BLTP1: variants seen among roughly 807,000 people sequenced by gnomAD.
The protein encoded by BLTP1 is bridge-like lipid transfer protein family member 1.
At chr4:122,348,822 AAAG>A in the BLTP1 span, 26 of 741,754 alleles carry the variant, frequency 3.5e-5, no homozygotes, top group Non-Finnish European at 4.0e-5. Flanking sequence ...AATATTTGAA[AAAG>A]AAGTAGATAA....
chr4:122,278,883 C>A, the BLTP1 span, among the ~76,000 whole-genome samples: 1 of 152,196 alleles, frequency 6.6e-6, no homozygotes, highest in South Asian at 2.1e-4. Context: ...CTGCTCACCT[C>A]ACTTTCAAAG....
At chr4:122,186,077 T>G in the BLTP1 span, 1 of 1,605,596 alleles carries the variant, frequency 6.2e-7, no homozygotes, top group Non-Finnish European at 8.5e-7. Flanking sequence ...AGTCAATGAC[T>G]TTGAATTTCA....
the BLTP1 span, chr4:122,257,218 C>T: frequency 3.0e-5 from 48 of 1,592,378 alleles, no homozygotes; most frequent in Non-Finnish European, 4.0e-5. Context: ...GATATTATTA[C>T]ATTAGATTAC....
the BLTP1 span, chr4:122,292,244 A>G: frequency 3.1e-5 from 18 of 584,476 alleles, no homozygotes; most frequent in African/African-American, 4.0e-5. Context: ...CTGGGATTAC[A>G]GGCGTGAGCC....
At chr4:122,203,511 A>G in the BLTP1 span, among the ~76,000 whole-genome samples, 1 of 151,844 alleles carries the variant, frequency 6.6e-6, no homozygotes, top group Non-Finnish European at 1.5e-5. Flanking sequence ...TCAGAGTAAC[A>G]TTTAGCTTGC....
the BLTP1 span, among the ~76,000 whole-genome samples, chr4:122,175,546 C>T: frequency 2.2e-3 from 332 of 152,134 alleles, no homozygotes; most frequent in Admixed American, 4.1e-3. Context: ...CTTCATTTTC[C>T]TGTGACCATT....
the BLTP1 span, among the ~76,000 whole-genome samples, chr4:122,233,116 C>T: frequency 6.6e-6 from 1 of 152,194 alleles, no homozygotes; most frequent in African/African-American, 2.4e-5. Flanking sequence ...TGCCAGACCT[C>T]AATCAGAAAC....
At chr4:122,269,438 C>T in the BLTP1 span, 2 of 985,288 alleles carry the variant, frequency 2.0e-6, no homozygotes, top group Non-Finnish European at 2.4e-6. Flanking sequence ...TTTGGTCTAG[C>T]TGAACTTGAC....
At chr4:122,184,634 C>T in the BLTP1 span, 42 of 916,856 alleles carry the variant, frequency 4.6e-5, 1 homozygote, top group Middle Eastern at 2.2e-3. Context: ...AGGGAGACTC[C>T]GTCTCAAAAA....
chr4:122,201,962 A>G, the BLTP1 span: 1 of 650,276 alleles, frequency 1.5e-6, no homozygotes, highest in Non-Finnish European at 1.9e-6. Context: ...ATACTGCTCT[A>G]TAATGTTGTG....
the BLTP1 span, among the ~76,000 whole-genome samples, chr4:122,300,576 G>A: frequency 2.6e-5 from 4 of 151,994 alleles, no homozygotes; most frequent in East Asian, 5.8e-4. Context: ...TTTTATCATA[G>A]TACTAACTAA....
the BLTP1 span, among the ~76,000 whole-genome samples, chr4:122,351,551 T>C: frequency 6.6e-5 from 10 of 152,328 alleles, no homozygotes; most frequent in African/African-American, 2.2e-4. Flanking sequence ...AGGTTAAATA[T>C]GGTTATGTTC....
At chr4:122,220,401 A>C in the BLTP1 span, 1 of 1,612,944 alleles carries the variant, frequency 6.2e-7, no homozygotes, top group South Asian at 1.1e-5. Context: ...AAATGAAAAA[A>C]GGATTTAGGG....
At chr4:122,273,726 G>T in the BLTP1 span, among the ~76,000 whole-genome samples, 2 of 151,978 alleles carry the variant, frequency 1.3e-5, no homozygotes, top group Non-Finnish European at 2.9e-5. Context: ...GATCAGAATT[G>T]TGTGAAAAGA....
At chr4:122,350,117 C>A in the BLTP1 span, 1 of 1,574,806 alleles carries the variant, frequency 6.3e-7, no homozygotes, top group South Asian at 1.2e-5. Flanking sequence ...TTATCTTTCA[C>A]TAAATATGTT....
chr4:122,289,293 G>C, the BLTP1 span: 12 of 872,160 alleles, frequency 1.4e-5, no homozygotes, highest in Admixed American at 2.6e-4. Flanking sequence ...TCCAGCATTT[G>C]GATATAGTTG....
chr4:122,248,321 A>G, the BLTP1 span, among the ~76,000 whole-genome samples: 1 of 152,072 alleles, frequency 6.6e-6, no homozygotes, highest in Non-Finnish European at 1.5e-5. Context: ...GCAGAACCTT[A>G]TATAATTTTG....
the BLTP1 span, chr4:122,185,418 T>TG: frequency 1.0e-6 from 1 of 985,422 alleles, no homozygotes; most frequent in Non-Finnish European, 1.2e-6. Context: ...TGACATGTGA[T>TG]GCATTGTTTT....
the BLTP1 span, chr4:122,293,012 C>T: frequency 8.9e-6 from 8 of 894,160 alleles, no homozygotes; most frequent in Non-Finnish European, 1.1e-5. Context: ...AGGAAATAAC[C>T]TCCTTAATAA....
Sources: allele counts gnomAD v4.1 joint callset (sites outside exome capture counted in the v4.1 genomes callset), GRCh38; gene constraint gnomAD v4.1.1; transcripts MANE v1.5; gene names NCBI Gene and HGNC (gene_info 2026-07-23, HGNC 2026-07-21).